PDS5B: variants seen among roughly 807,000 people sequenced by gnomAD.
PDS5B encodes the protein sister chromatid cohesion protein PDS5 homolog B.
PDS5B carries 51 observed loss-of-function variants against 184.1 expected under a neutral mutation model. The observed-to-expected ratio is 0.28, with a 90% confidence interval of 0.22 to 0.35. The LOEUF is 0.35. Ranked by LOEUF, PDS5B falls within the 10% of genes least tolerant of loss-of-function variation. The pLI is 1.00. For missense variants in PDS5B, 1,180 were observed against 1,723.3 expected (o/e 0.68, Z 5.58); for synonymous variants, 566 against 569.2 (o/e 0.99, Z 0.08).
Position 32,658,412 on chromosome 13 carries a change from CT to C in PDS5B, c.400-16del, listed in dbSNP as rs779062632. The C allele has an allele frequency of 7.4e-6, 11 of 1,488,214 alleles. No individual in the cohort carries two copies. The East Asian group carries it at 2.3e-4, about 31-fold the overall frequency. The allele number at this position is 1,488,214 out of a possible 1,614,324, so 92.2% of individuals were successfully genotyped here. ...TAATAATCAAAATGCTTAACTTTCA[CT>C]TTTTTACACCTTATTTTTAGAACAT... On this transcript the variant is annotated intron_variant, in intron 4 of 34. Coordinates refer to ENST00000315596, the MANE Select transcript of PDS5B (RefSeq NM_015032.4).
intron 31 of PDS5B, among the ~76,000 whole-genome samples, chr13:32,767,078 G>A (rs1249543976): frequency 6.6e-6 from 1 of 152,022 alleles, no homozygotes; most frequent in African/African-American, 2.4e-5. Flanking sequence ...CCTCTCCTTA[G>A]AATGTAAGGA....
At chr13:32,748,464 C>CT (rs370828607) in intron 24 of PDS5B, among the ~76,000 whole-genome samples, 53,379 of 141,784 alleles carry the variant, frequency 0.38, 10,417 homozygotes, top group Non-Finnish European at 0.45. Flanking sequence ...GGCTCTTCCT[C>CT]TTTTTTTTTT....
At chr13:32,754,282 T>G (rs1265474052) in intron 25 of PDS5B, among the ~76,000 whole-genome samples, 2 of 152,142 alleles carry the variant, frequency 1.3e-5, no homozygotes, top group Non-Finnish European at 2.9e-5. Context: ...TTACTTGAAA[T>G]TTCTGTTGAT....
intron 6 of PDS5B, among the ~76,000 whole-genome samples, chr13:32,665,718 AAAT>A (rs1950777153): frequency 6.6e-6 from 1 of 152,114 alleles, no homozygotes; most frequent in Non-Finnish European, 1.5e-5. Flanking sequence ...ATTACATTAA[AAAT>A]AAAAGCTATT....
intron 1 of PDS5B, among the ~76,000 whole-genome samples, chr13:32,615,812 TTATA>T (rs1182976644): frequency 6.6e-6 from 1 of 152,194 alleles, no homozygotes; most frequent in Non-Finnish European, 1.5e-5. Flanking sequence ...TATAAGTAAC[TTATA>T]TAGTCCCTGG....
In PDS5B at chr13:32,720,972, A is replaced by G. The variant is rs998445978; in HGVS notation, c.2123+10866A>G. ...CACGGGGTTGGGGGTAAGGTTATAG[A>G]TTAACAGCATCCCAAGGCAGAAGAA... is the stretch of plus-strand genomic sequence containing the variant. On this transcript the variant is annotated intron_variant, in intron 19 of 34. Transcript: ENST00000315596. Among the ~76,000 whole-genome samples, 9 of 152,310 alleles carry G rather than the reference A, an allele frequency of 5.9e-5. No homozygotes were observed. In the East Asian group the frequency reaches 1.7e-3, roughly 29 times the overall value.
At chr13:32,648,620 TA>T (rs1950285726) in intron 1 of PDS5B, 133 bp from the exon 2 acceptor site, 1 of 545,660 alleles carries the variant, frequency 1.8e-6, no homozygotes, top group South Asian at 2.4e-5. Context: ...TGATTTTCAT[TA>T]AATGGTAAAG....
intron 1 of PDS5B, among the ~76,000 whole-genome samples, chr13:32,607,885 G>GTGCCGTTT (rs2140500542): frequency 1.3e-5 from 2 of 152,366 alleles, no homozygotes; most frequent in East Asian, 3.9e-4. Context: ...ATCTCCTGGT[G>GTGCCGTTT]TGCCGTTTGC....
intron 1 of PDS5B, among the ~76,000 whole-genome samples, chr13:32,616,075 T>A (rs1460140384): frequency 6.6e-6 from 1 of 151,564 alleles, no homozygotes; most frequent in Non-Finnish European, 1.5e-5. Flanking sequence ...TTTTTTGAGA[T>A]GGAATTTTGC....
chr13:32,691,133 C>G (rs7996269), intron 13 of PDS5B: 1 of 151,992 alleles, frequency 6.6e-6, no homozygotes, highest in African/African-American at 2.4e-5. Context: ...CAGAGGTAAC[C>G]TCTACCCTTG....
chr13:32,597,199 C>G (rs998542124), intron 1 of PDS5B, among the ~76,000 whole-genome samples: 1 of 148,896 alleles, frequency 6.7e-6, no homozygotes, highest in Non-Finnish European at 1.5e-5. Context: ...ATGGCTGGCT[C>G]ATTTTTTTTT....
intron 18 of PDS5B, 135 bp downstream of exon 18, chr13:32,707,174 TTAG>T (rs1029806848): frequency 5.9e-6 from 3 of 507,856 alleles, no homozygotes; most frequent in Non-Finnish European, 1.0e-5. Context: ...TTTAGATGAT[TTAG>T]AAGTTGTATA....
chr13:32,660,484 A>AG (rs5802650), intron 6 of PDS5B, among the ~76,000 whole-genome samples: 152,221 of 152,228 alleles, frequency 1, 76,107 homozygotes, highest in Middle Eastern at 1. Context: ...CTGAATTCCC[A>AG]GGGGAGACCT....
intron 1 of PDS5B, among the ~76,000 whole-genome samples, chr13:32,640,797 G>A (rs1486715260): frequency 6.6e-6 from 1 of 151,256 alleles, no homozygotes; most frequent in African/African-American, 2.4e-5. Flanking sequence ...GCTCACGCCT[G>A]TAATCCCAGC....
intron 17 of PDS5B, among the ~76,000 whole-genome samples, chr13:32,704,689 C>T (rs888024564): frequency 1.3e-5 from 2 of 152,174 alleles, no homozygotes; most frequent in African/African-American, 4.8e-5. Context: ...GGTTGTGATA[C>T]ATTAGAGGAA....
chr13:32,628,568 T>A (rs867789948), intron 1 of PDS5B, among the ~76,000 whole-genome samples: 13 of 142,996 alleles, frequency 9.1e-5, no homozygotes, highest in African/African-American at 2.1e-4. Context: ...AAAAAAAAAA[T>A]TATGCTCTAT....
intron 1 of PDS5B, among the ~76,000 whole-genome samples, chr13:32,644,753 G>A (rs1179570301): frequency 2.0e-5 from 3 of 151,826 alleles, no homozygotes; most frequent in Admixed American, 6.6e-5. Flanking sequence ...TTCTTGTTTC[G>A]TTTTTGTTTT....
chr13:32,676,195 A>G (rs987429934), intron 9 of PDS5B, among the ~76,000 whole-genome samples: 6 of 152,204 alleles, frequency 3.9e-5, no homozygotes, highest in African/African-American at 1.2e-4. Context: ...TTATGGTATT[A>G]TGACCATGAA....
chr13:32,687,015 ATC>A, intron 11 of PDS5B, 117 bp from the exon 12 acceptor site: 1 of 702,340 alleles, frequency 1.4e-6, no homozygotes, highest in East Asian at 2.8e-5. Flanking sequence ...GATATTTAGT[ATC>A]TGAGACTTAA....
Sources: gnomAD v4.1 joint callset for allele counts (sites outside exome capture counted in the v4.1 genomes callset) on GRCh38, gnomAD v4.1.1 for gene constraint, MANE v1.5 for transcripts, NCBI Gene and HGNC (gene_info 2026-07-23, HGNC 2026-07-21) for gene names.